Variants in EMC3 observed in about 807,000 individuals in gnomAD.
The protein encoded by EMC3 is 30 kDa protein.
In EMC3, 13 loss-of-function variants were observed where a neutral mutation model predicts 36.6. That is an observed-to-expected ratio of 0.35 (90% CI 0.23 to 0.56). The LOEUF (loss-of-function observed/expected upper bound fraction) is 0.56. EMC3 is among the 20% of genes least tolerant of loss of function. EMC3 has a pLI of 0.84. For missense variants in EMC3, 220 were observed against 324.5 expected (o/e 0.68, Z 2.47); for synonymous variants, 120 against 111.9 (o/e 1.07, Z -0.46).
chr3:9,968,550 TTCTTAA>T, intron 7 of EMC3: 1 of 152,366 alleles, frequency 6.6e-6, no homozygotes, highest in South Asian at 2.1e-4. Context: ...CCTTGTCTTG[TTCTTAA>T]TCTTAAAGGG....
At chr3:9,978,089 T>C (rs13076197) in intron 1 of EMC3, 33,341 of 138,176 alleles carry the variant, frequency 0.24, 4,320 homozygotes, top group African/African-American at 0.38. Context: ...GGCAGGTGGA[T>C]CACTTAAGCC....
chr3:9,964,092 CCT>C lies in EMC3; in HGVS notation c.761_762del (p.Lys254ArgfsTer24). 1.9e-6 allele frequency: 3 copies of C among 1,614,190 alleles called. No homozygotes were observed. The highest frequency in any genetic ancestry group is 2.5e-6 in the Non-Finnish European group (3 of 1,180,048). On this transcript the variant is annotated frameshift_variant, in exon 8 of 8. Transcript: ENST00000245046. LOFTEE classifies it high-confidence loss of function. ...KDLHFEGMFK[K>X]ELQTSIF is the part of the protein sequence containing the mutation. ...CTTCAAAAAATAGAGGTCTGTAATT[CCT>C]TTTTGAACATGCCTTCGAAGTGGAG...
intron 1 of EMC3, chr3:10,007,207 G>T: frequency 6.9e-6 from 6 of 869,542 alleles, no homozygotes; most frequent in Non-Finnish European, 9.3e-6. Flanking sequence ...ATTAGTAGTG[G>T]CTCTGAAGGG....
intron 1 of EMC3, among the ~76,000 whole-genome samples, chr3:10,009,381 C>T (rs1298561468): frequency 6.6e-6 from 1 of 152,194 alleles, no homozygotes; most frequent in Non-Finnish European, 1.5e-5. Context: ...CCCGGCCTAG[C>T]CAGGACTCAG....
intron 1 of EMC3, among the ~76,000 whole-genome samples, chr3:9,991,994 A>C (rs570008374): frequency 1.3e-5 from 2 of 152,168 alleles, no homozygotes; most frequent in African/African-American, 2.4e-5. Flanking sequence ...GGCGGATCTC[A>C]GTGGTAATGA....
At chr3:9,976,166 A>T (rs1176740916) in intron 3 of EMC3, among the ~76,000 whole-genome samples, 1 of 151,924 alleles carries the variant, frequency 6.6e-6, no homozygotes, top group Non-Finnish European at 1.5e-5. Flanking sequence ...GAGTGCAGTG[A>T]CGTGACCTCA....
intron 1 of EMC3, chr3:9,978,167 A>G (rs1369407983): frequency 1.3e-5 from 2 of 156,468 alleles, no homozygotes; most frequent in Non-Finnish European, 2.6e-5. Context: ...AAAAAAAAAA[A>G]AAAAAAAAAA....
chr3:9,977,286 G>C (rs900907388), intron 2 of EMC3, 103 bp downstream of exon 2: 2 of 1,115,202 alleles, frequency 1.8e-6, no homozygotes, highest in Non-Finnish European at 2.6e-6. Flanking sequence ...TAATTACTAA[G>C]TTGCCAACCT....
At chr3:9,966,803 G>A (rs566862700) in intron 7 of EMC3, among the ~76,000 whole-genome samples, 3 of 151,464 alleles carry the variant, frequency 2.0e-5, no homozygotes, top group Non-Finnish European at 4.4e-5. Flanking sequence ...TCAAGCTCCT[G>A]ACCTCAAATG....
At chr3:9,986,898 C>A, upstream of EMC3, 1 of 1,308,884 alleles carries the variant, frequency 7.6e-7, no homozygotes, top group Non-Finnish European at 9.8e-7. Flanking sequence ...AGAGCGGCGT[C>A]GGGCCTGGCG....
At chr3:9,969,889 A>G in intron 6 of EMC3, 88 bp from the exon 7 acceptor site, 2 of 1,544,686 alleles carry the variant, frequency 1.3e-6, no homozygotes, top group Non-Finnish European at 1.7e-6. Flanking sequence ...CACAGATTAG[A>G]GAACTGGACT....
chr3:9,968,000 C>T (rs1384847879), intron 7 of EMC3, among the ~76,000 whole-genome samples: 1 of 152,354 alleles, frequency 6.6e-6, no homozygotes, highest in Non-Finnish European at 1.5e-5. Context: ...TGACTCACTG[C>T]AACCTCTGCC....
At chr3:9,972,885 G>A (rs960317067) in intron 5 of EMC3, among the ~76,000 whole-genome samples, 1 of 149,340 alleles carries the variant, frequency 6.7e-6, no homozygotes, top group Non-Finnish European at 1.5e-5. Flanking sequence ...CTGGAGTGCA[G>A]CAGCGCCATC....
chr3:10,004,012 A>T (rs997439117), intron 1 of EMC3: 1 of 152,202 alleles, frequency 6.6e-6, no homozygotes. Flanking sequence ...TAACCCCTAC[A>T]TGGCCCTGGA....
Position 9,970,571 on chromosome 3 carries a change from A to C in EMC3, c.574+11T>G, listed in dbSNP as rs766904891. On this transcript the variant is annotated intron_variant, in intron 6 of 7. Coordinates refer to ENST00000245046, the MANE Select transcript of EMC3 (RefSeq NM_001394674.1). ...GAAGTATTTGCTTAGTAAACCTGAC[A>C]TGCTTCTTACCATTATCTTGGCCCA... is the stretch of plus-strand genomic sequence containing the variant. 8.1e-6 allele frequency: 13 copies of C among 1,614,046 alleles called. No individual in the cohort carries two copies. The Admixed American group carries it at 1.7e-4, about 21-fold the overall frequency.
At chr3:9,987,851 G>A, upstream of EMC3, 1 of 693,236 alleles carries the variant, frequency 1.4e-6, no homozygotes. Flanking sequence ...AGACTGGACT[G>A]TACCTACCCA....
intron 1 of EMC3, among the ~76,000 whole-genome samples, chr3:9,977,715 C>T (rs1460160933): frequency 6.6e-6 from 1 of 152,168 alleles, no homozygotes; most frequent in Non-Finnish European, 1.5e-5. Context: ...ACATTACACT[C>T]AGCTTTTTCT....
At chr3:9,983,929 C>T (rs2085940194) in intron 1 of EMC3, among the ~76,000 whole-genome samples, 2 of 152,022 alleles carry the variant, frequency 1.3e-5, no homozygotes, top group African/African-American at 4.8e-5. Context: ...TTTCCAGGCT[C>T]CCTGGAATTG....
chr3:9,990,922 G>A (rs1405112433), upstream of EMC3, among the ~76,000 whole-genome samples: 4 of 151,876 alleles, frequency 2.6e-5, no homozygotes, highest in African/African-American at 9.7e-5. Flanking sequence ...TCCGCCTCCC[G>A]GGTTCACGCC....
Sources: allele counts gnomAD v4.1 joint callset (sites outside exome capture counted in the v4.1 genomes callset), GRCh38; gene constraint gnomAD v4.1.1; transcripts MANE v1.5; gene names NCBI Gene and HGNC (gene_info 2026-07-23, HGNC 2026-07-21).